AGBL4: variants seen among roughly 807,000 people sequenced by gnomAD.
The protein encoded by AGBL4 is cytosolic carboxypeptidase 6.
AGBL4 carries 58 observed loss-of-function variants against 66.4 expected under a neutral mutation model. The ratio of observed to expected loss-of-function variants is 0.87; its 90% CI spans 0.71 to 1.09. AGBL4 has a LOEUF of 1.09. Among genes scored for constraint, AGBL4 ranks in the 50% least tolerant of loss-of-function variants. AGBL4 has a pLI of 0.00. For synonymous variants in AGBL4, 234 were observed against 222.9 expected (o/e 1.05, Z -0.44); for missense variants, 579 against 631.0 (o/e 0.92, Z 0.88).
In AGBL4 at chr1:48,533,775, C is replaced by G. The variant is rs1415887221; in HGVS notation, c.*398G>C. 3 of 216,458 alleles carry G rather than the reference C, an allele frequency of 1.4e-5. No homozygotes were observed. The East Asian group carries it at 3.9e-4, about 28-fold the overall frequency. 13.4% of individuals were successfully genotyped at this position (216,458 alleles called of 1,614,324 possible). On this transcript the variant is annotated 3_prime_UTR_variant, in exon 14 of 14. Transcript: ENST00000371839. ...CTGCATTTCTAAAGCTGTAAACAAC[C>G]AAGCCTATTTAAAAGGTAACCATCT...
intron 1 of AGBL4, among the ~76,000 whole-genome samples, chr1:49,956,772 T>A (rs1288788764): frequency 6.6e-6 from 1 of 151,942 alleles, no homozygotes; most frequent in Non-Finnish European, 1.5e-5. Flanking sequence ...GAGACAAATA[T>A]CCTTTGGATC....
intron 3 of AGBL4, among the ~76,000 whole-genome samples, chr1:49,436,725 A>T (rs938120324): frequency 6.6e-6 from 1 of 152,176 alleles, no homozygotes; most frequent in African/African-American, 2.4e-5. Context: ...TTCTTAGGAA[A>T]GGAAGGGGGT....
intron 3 of AGBL4, among the ~76,000 whole-genome samples, chr1:49,299,645 A>G (rs548117451): frequency 6.6e-6 from 1 of 152,262 alleles, no homozygotes; most frequent in South Asian, 2.1e-4. Flanking sequence ...TGGTCCTGTC[A>G]CAATAGCTAG....
At chr1:48,760,359 C>T (rs1644190514) in intron 6 of AGBL4, among the ~76,000 whole-genome samples, 2 of 152,146 alleles carry the variant, frequency 1.3e-5, no homozygotes, top group African/African-American at 4.8e-5. Context: ...CATGAGATTC[C>T]AGGCAGTTCT....
At chr1:48,583,203 C>T (rs1194307335) in intron 11 of AGBL4, among the ~76,000 whole-genome samples, 3 of 152,242 alleles carry the variant, frequency 2.0e-5, no homozygotes, top group Non-Finnish European at 2.9e-5. Flanking sequence ...CAAACCCTAA[C>T]AACAGCTGCT....
intron 1 of AGBL4, among the ~76,000 whole-genome samples, chr1:49,877,464 T>C (rs981460703): frequency 5.3e-5 from 8 of 151,342 alleles, no homozygotes; most frequent in Non-Finnish European, 1.2e-4. Context: ...ATTACATTTA[T>C]TGATTTGCGT....
At chr1:49,693,236 A>T (rs560277056) in intron 3 of AGBL4, among the ~76,000 whole-genome samples, 76 of 152,286 alleles carry the variant, frequency 5.0e-4, no homozygotes, top group South Asian at 1.7e-3. Flanking sequence ...GAGTCTTTAA[A>T]ATGTTCATAT....
chr1:49,732,344 G>C (rs2124717033), intron 2 of AGBL4, among the ~76,000 whole-genome samples: 1 of 152,220 alleles, frequency 6.6e-6, no homozygotes, highest in East Asian at 1.9e-4. Flanking sequence ...TAATTGAAAA[G>C]AACCTAAACT....
rs111976471 is a variant in AGBL4, at chr1:48,706,077, T to C, written c.635-42836A>G. Among the ~76,000 whole-genome samples, 250 of 152,320 alleles carry C rather than the reference T, an allele frequency of 1.6e-3. 1 individual carries two copies. Among genetic ancestry groups the C allele is most frequent in the African/African-American group, 5.3e-3 (222 of 41,578 alleles). On this transcript the variant is annotated intron_variant, in intron 6 of 13. Transcript: ENST00000371839. The stretch of plus-strand genomic sequence containing the variant: ...AAAAAGAGCAACACAAAACTGATGA[T>C]GTGCTTAACTCCAGGGTAAACAAAG...
At chr1:49,601,626 G>T (rs1644960985) in intron 3 of AGBL4, among the ~76,000 whole-genome samples, 1 of 152,046 alleles carries the variant, frequency 6.6e-6, no homozygotes, top group Non-Finnish European at 1.5e-5. Context: ...TTAATAAATG[G>T]TGTTGGGAAA....
intron 3 of AGBL4, among the ~76,000 whole-genome samples, chr1:49,658,230 T>G (rs1445180730): frequency 6.6e-6 from 1 of 152,102 alleles, no homozygotes. Flanking sequence ...AAGAAGACAT[T>G]TATGCAGCCA....
At chr1:49,979,013 C>G (rs1277485490) in intron 1 of AGBL4, among the ~76,000 whole-genome samples, 1 of 151,902 alleles carries the variant, frequency 6.6e-6, no homozygotes, top group Admixed American at 6.6e-5. Flanking sequence ...TTTTTAAAAA[C>G]CTATAGATGA....
intron 3 of AGBL4, among the ~76,000 whole-genome samples, chr1:49,291,217 C>A (rs1644526859): frequency 6.6e-6 from 1 of 152,158 alleles, no homozygotes; most frequent in South Asian, 2.1e-4. Flanking sequence ...GTATTTTAGA[C>A]CCAGGTAGCT....
chr1:48,868,723 T>G (rs1007116720), intron 5 of AGBL4, among the ~76,000 whole-genome samples: 1 of 152,214 alleles, frequency 6.6e-6, no homozygotes, highest in Non-Finnish European at 1.5e-5. Context: ...GTTCAGAGAT[T>G]TGACCTGCCA....
At chr1:49,788,375 A>G (rs755920141) in intron 2 of AGBL4, among the ~76,000 whole-genome samples, 17 of 152,166 alleles carry the variant, frequency 1.1e-4, no homozygotes, top group Non-Finnish European at 2.1e-4. Context: ...AACATCTACA[A>G]TGTCCAATTT....
chr1:48,660,710 T>C (rs115102846), intron 7 of AGBL4, among the ~76,000 whole-genome samples: 1,894 of 152,232 alleles, frequency 0.012, 45 homozygotes, highest in African/African-American at 0.044. Flanking sequence ...AGAAACAGGA[T>C]TGGGGAGATG....
At chr1:48,609,335 C>A (rs1645201945) in intron 9 of AGBL4, among the ~76,000 whole-genome samples, 3 of 152,240 alleles carry the variant, frequency 2.0e-5, no homozygotes, top group Admixed American at 6.5e-5. Flanking sequence ...CTGGCCCTAC[C>A]CACTTCTCTA....
At chr1:49,335,696 T>C (rs1190216059) in intron 3 of AGBL4, among the ~76,000 whole-genome samples, 1 of 152,082 alleles carries the variant, frequency 6.6e-6, no homozygotes, top group East Asian at 1.9e-4. Flanking sequence ...TTTGTGTTTT[T>C]AGTAGAGACG....
chr1:48,560,286 G>T (rs940633214), intron 11 of AGBL4, among the ~76,000 whole-genome samples: 2 of 152,152 alleles, frequency 1.3e-5, no homozygotes, highest in African/African-American at 4.8e-5. Flanking sequence ...GAGATGCTCA[G>T]GTTCAAACTA....
Sources: allele counts gnomAD v4.1 joint callset (sites outside exome capture counted in the v4.1 genomes callset), GRCh38; gene constraint gnomAD v4.1.1; transcripts MANE v1.5; gene names NCBI Gene and HGNC (gene_info 2026-07-23, HGNC 2026-07-21).